The following GREB1L variants were observed in gnomAD, a reference collection of about 807,000 sequenced individuals.
GREB1L encodes the protein GREB1-like protein.
Under a neutral mutation model 200.8 loss-of-function variants are expected in GREB1L, and 17 were observed. That is an observed-to-expected ratio of 0.08 (90% confidence interval 0.06 to 0.13). The LOEUF is 0.13. Ranked by LOEUF, GREB1L falls within the 10% of genes least tolerant of loss-of-function variation. GREB1L has a pLI of 1.00. For missense variants in GREB1L, 1,657 were observed against 2,367.7 expected, an observed-to-expected ratio of 0.70 and a Z score of 6.23; for synonymous variants, 789 against 893.0, an observed-to-expected ratio of 0.88 and a Z score of 2.08.
chr18:21,461,116 GA>G (rs954475665), intron 15 of GREB1L, among the ~76,000 whole-genome samples: 1 of 148,188 alleles, frequency 6.7e-6, no homozygotes, highest in Admixed American at 6.7e-5. Context: ...AAAAGAAAAA[GA>G]AAAAAAACCA....
intron 7 of GREB1L, among the ~76,000 whole-genome samples, chr18:21,415,099 AGAGGGAAGAGAG>A (rs1259284065): frequency 6.6e-6 from 1 of 152,212 alleles, no homozygotes; most frequent in East Asian, 1.9e-4. Context: ...ACTAAGTACC[AGAGGGAAGAGAG>A]CTGCACAAAG....
At chr18:21,276,819 A>C (rs1384983472) in intron 1 of GREB1L, among the ~76,000 whole-genome samples, 5 of 152,144 alleles carry the variant, frequency 3.3e-5, no homozygotes, top group African/African-American at 1.2e-4. Flanking sequence ...GGGAGAAAGA[A>C]GGAAAGAAAG....
intron 14 of GREB1L, among the ~76,000 whole-genome samples, chr18:21,453,297 C>T (rs1276050032): frequency 2.6e-5 from 4 of 152,182 alleles, no homozygotes; most frequent in Non-Finnish European, 5.9e-5. Context: ...CCAGTGGATT[C>T]TCTCAACTAC....
Position 21,500,011 on chromosome 18 carries a change from A to G in GREB1L, c.3674A>G (p.Gln1225Arg). 1 of 1,551,388 alleles carries G rather than the reference A, an allele frequency of 6.4e-7. No homozygotes were observed. ...GQPIRGCRGP[Q>R]AALPPVVILS... The stretch of plus-strand genomic sequence containing the variant: ...CCCATCAGAGGCTGCCGGGGCCCAC[A>G]GGCAGCCCTGCCACCAGTGGTGATC... The change falls in exon 22 of 33, where the codon CAG becomes CGG. Residue 1225 changes from glutamine to arginine, a missense_variant. By Grantham distance (43) the Gln-to-Arg change is conservative. Transcript: ENST00000424526.
At position 21,329,794 on chromosome 18, in the gene GREB1L, C is replaced by T. The variant is rs1041102406; in HGVS notation, c.-119-36233C>T. Among the ~76,000 whole-genome samples the T allele has an allele frequency of 2.0e-5, 3 of 152,146 alleles. No individual in the cohort carries two copies. The East Asian group carries it at 5.8e-4, about 29-fold the overall frequency. ...CTGGTCCTCTGCTGCTGAGGGAACA[C>T]TTTAGAGTTCCCTCTGGGCTGCTGC... On this transcript the variant is annotated intron_variant, in intron 1 of 32. Transcript: ENST00000424526.
At position 21,403,970 on chromosome 18, in the gene GREB1L, T is replaced by C. The variant is rs570523600; in HGVS notation, c.808T>C (p.Tyr270His). 1 of 1,551,560 alleles carries C rather than the reference T, an allele frequency of 6.4e-7. No homozygotes were observed. The highest frequency in any genetic ancestry group is 8.7e-7 in the Non-Finnish European group (1 of 1,146,466). The change falls in exon 7 of 33, where the codon TAC (tyrosine) becomes CAC (histidine). Residue 270 changes from tyrosine to histidine, a missense_variant. Tyr to His is a moderately conservative substitution (Grantham distance 83, BLOSUM62 2). Around this residue, in one of 9 missense-constraint regions of GREB1L, gnomAD observed 289 missense variants for 345.1 expected, o/e 0.84. Coordinates refer to ENST00000424526, the MANE Select transcript of GREB1L (RefSeq NM_001142966.3). ...VTPENGTTNGYKSGFTQTDAA... is the reference protein window; with the variant it reads ...VTPENGTTNGHKSGFTQTDAA... ...CCCAGAAAATGGGACAACTAATGGA[T>C]ACAAATCAGGATTCACTCAGACAGG...
At chr18:21,278,397 T>A (rs373841127) in intron 1 of GREB1L, among the ~76,000 whole-genome samples, 2,728 of 115,912 alleles carry the variant, frequency 0.024, 63 homozygotes, top group Non-Finnish European at 0.032. Context: ...AAAAAATAAA[T>A]AAATAAATAA....
intron 17 of GREB1L, among the ~76,000 whole-genome samples, chr18:21,480,467 T>A (rs759025698): frequency 6.6e-6 from 1 of 152,130 alleles, no homozygotes; most frequent in Non-Finnish European, 1.5e-5. Flanking sequence ...ATAGTTATAC[T>A]CTTCTTCAAT....
At chr18:21,258,677 A>G (rs2037840408) in intron 1 of GREB1L, among the ~76,000 whole-genome samples, 1 of 152,184 alleles carries the variant, frequency 6.6e-6, no homozygotes, top group Non-Finnish European at 1.5e-5. Context: ...AATAAATTCA[A>G]AACAATTCTG....
chr18:21,290,611 T>G (rs1598633866), intron 1 of GREB1L, among the ~76,000 whole-genome samples: 1 of 152,114 alleles, frequency 6.6e-6, no homozygotes, highest in Admixed American at 6.5e-5. Context: ...TCACCTGAGG[T>G]CAGGAGTTTG....
rs1302962920 is a variant in GREB1L at position 21,524,284 on chromosome 18, G to A, written c.*1463G>A. 6.6e-6 allele frequency: 1 copy of A among 152,178 alleles called. No homozygotes were observed. Among genetic ancestry groups the A allele is most frequent in the African/African-American group, 2.4e-5 (1 of 41,454 alleles). 9.4% of individuals were successfully genotyped at this position (152,178 alleles called of 1,614,324 possible). On this transcript the variant is annotated 3_prime_UTR_variant, in exon 33 of 33. Coordinates refer to ENST00000424526, the MANE Select transcript of GREB1L (RefSeq NM_001142966.3). ...TGACAACAAGGAGTTTACAAAGCTA[G>A]TGAAAAAATGGAATGTATTAGACTA...
intron 1 of GREB1L, among the ~76,000 whole-genome samples, chr18:21,284,149 A>G (rs748914471): frequency 5.3e-5 from 8 of 152,102 alleles, no homozygotes; most frequent in African/African-American, 9.7e-5. Context: ...AGTTGATTCA[A>G]TGGTCTGTTA....
At chr18:21,451,507 T>TGCAC in intron 13 of GREB1L, 1 of 109,758 alleles carries the variant, frequency 9.1e-6, no homozygotes, top group East Asian at 3.0e-4. Flanking sequence ...TTTTTTTTTT[T>TGCAC]TACAGTGTTG....
chr18:21,310,299 C>G (rs1264184704), intron 1 of GREB1L, among the ~76,000 whole-genome samples: 1 of 152,148 alleles, frequency 6.6e-6, no homozygotes, highest in Non-Finnish European at 1.5e-5. Flanking sequence ...AGCCATGAGA[C>G]TCATCAAGTG....
intron 4 of GREB1L, among the ~76,000 whole-genome samples, chr18:21,384,779 C>G (rs2040467580): frequency 6.7e-6 from 1 of 149,812 alleles, no homozygotes; most frequent in Non-Finnish European, 1.5e-5. Flanking sequence ...GTACTTCTTT[C>G]TATTCCCCCC....
At chr18:21,321,749 C>T (rs192675019) in intron 1 of GREB1L, among the ~76,000 whole-genome samples, 10 of 152,208 alleles carry the variant, frequency 6.6e-5, no homozygotes, top group Non-Finnish European at 7.4e-5. Context: ...GCTAGCAGTT[C>T]TAGAATTGTT....
chr18:21,383,174 T>C (rs77558873), intron 2 of GREB1L, among the ~76,000 whole-genome samples: 2,627 of 152,232 alleles, frequency 0.017, 71 homozygotes, highest in African/African-American at 0.057. Context: ...AAAGGTGATA[T>C]GGCCACATTG....
chr18:21,274,376 G>GTATA (rs149804804), intron 1 of GREB1L, among the ~76,000 whole-genome samples: 7 of 150,744 alleles, frequency 4.6e-5, no homozygotes, highest in African/African-American at 1.5e-4. Context: ...CAAATACCAA[G>GTATA]TATATATATA....
chr18:21,443,967 G>A (rs149908964), intron 10 of GREB1L, among the ~76,000 whole-genome samples: 13 of 152,262 alleles, frequency 8.5e-5, no homozygotes, highest in South Asian at 6.2e-4. Context: ...TTCAGTCCAC[G>A]GTTGATTGAA....
Sources: gnomAD v4.1 joint callset for allele counts (sites outside exome capture counted in the v4.1 genomes callset) on GRCh38, gnomAD v4.1.1 for gene constraint, gnomAD v4.1.1 regional missense constraint, MANE v1.5 for transcripts, NCBI Gene and HGNC (gene_info 2026-07-23, HGNC 2026-07-21) for gene names.